ASCC3: variants seen among roughly 807,000 people sequenced by gnomAD.
ASCC3 encodes the protein activating signal cointegrator 1 complex subunit 3.
In ASCC3, 158 loss-of-function variants were observed where a neutral mutation model predicts 256.3. The ratio of observed to expected loss-of-function variants is 0.62; its 90% CI spans 0.54 to 0.70. ASCC3 has a LOEUF of 0.70. Ranked by LOEUF, ASCC3 falls within the 30% of genes least tolerant of loss-of-function variation. The probability of loss-of-function intolerance (pLI) is 0.00; values close to 1 mark genes in which losing one functional copy is unlikely to be tolerated. For synonymous variants in ASCC3, 948 were observed against 883.4 expected (o/e 1.07, Z -1.30); for missense variants, 2,259 against 2,626.0 (o/e 0.86, Z 3.05).
intron 13 of ASCC3, among the ~76,000 whole-genome samples, chr6:100,695,562 A>AG (rs1180653495): frequency 6.6e-6 from 1 of 152,146 alleles, no homozygotes; most frequent in Admixed American, 6.5e-5. Flanking sequence ...TCCAATTCAA[A>AG]GGGTAACAAA....
At chr6:100,818,046 T>C (rs930570202) in intron 4 of ASCC3, among the ~76,000 whole-genome samples, 10 of 152,136 alleles carry the variant, frequency 6.6e-5, no homozygotes, top group African/African-American at 2.4e-4. Context: ...AAACGAATTA[T>C]AAATCATGAT....
chr6:100,752,852 A>C (rs1394200682), intron 10 of ASCC3, among the ~76,000 whole-genome samples: 1 of 152,190 alleles, frequency 6.6e-6, no homozygotes, highest in Non-Finnish European at 1.5e-5. Context: ...ATGTCTCTCA[A>C]ATGTAGAAAA....
At chr6:100,549,578 C>CTA (rs1769186827) in intron 36 of ASCC3, among the ~76,000 whole-genome samples, 1 of 151,814 alleles carries the variant, frequency 6.6e-6, no homozygotes, top group Admixed American at 6.6e-5. Flanking sequence ...CAGGACTGAA[C>CTA]TACTGTTACC....
rs1323695669 is a variant in ASCC3, at chr6:100,638,699, C to T, written c.4024G>A (p.Asp1342Asn). ...GGTGCTCCAAGTAGGACATTACAAT[C>T]CGTGTGATACAATGTATGAAATATT... Reference protein sequence around the residue: ...TQIFHTLYHTDCNVLLGAPTG... With the variant: ...TQIFHTLYHTNCNVLLGAPTG... Residue 1342 changes from aspartate (D) to asparagine (N), a missense_variant, in exon 25 of 42, where the codon GAT (aspartate) becomes AAT (asparagine). Asp to Asn is a conservative substitution (Grantham distance 23). Coordinates refer to ENST00000369162, the MANE Select transcript of ASCC3 (RefSeq NM_006828.4). 6.2e-7 allele frequency: 1 copy of T among 1,613,898 alleles called. No individual in the cohort carries two copies. The highest frequency in any genetic ancestry group is 1.3e-5 in the African/African-American group (1 of 74,918).
rs1776568380 is a variant in ASCC3, at chr6:100,668,018, A to AG, written c.2287-5483dup. On this transcript the variant is annotated intron_variant, in intron 14 of 41. Coordinates refer to ENST00000369162, the MANE Select transcript of ASCC3 (RefSeq NM_006828.4). ...AAATAGACAGTGGCCATTACTGACT[A>AG]GAGAAGGAGCTGGCAAAATATGTGC... Among the ~76,000 whole-genome samples, 4 of 152,242 alleles carry AG rather than the reference A, an allele frequency of 2.6e-5. 1 individual carries two copies. The highest frequency in any genetic ancestry group is 9.6e-5 in the African/African-American group (4 of 41,584).
intron 36 of ASCC3, among the ~76,000 whole-genome samples, chr6:100,570,092 T>C (rs899392538): frequency 2.6e-5 from 4 of 152,218 alleles, no homozygotes; most frequent in African/African-American, 9.6e-5. Flanking sequence ...TGAACATTAT[T>C]GGTGTAGAGA....
In ASCC3 at chr6:100,590,404, C is replaced by T. The variant is rs560349392; in HGVS notation, c.5304-345G>A. ...TCCAAGCAAAAAGCCTAAAGACATA[C>T]ATTTCACCTGAATGTGCATCCCTGC... On this transcript the variant is annotated intron_variant, in intron 34 of 41. Transcript: ENST00000369162. Among the ~76,000 whole-genome samples, 9 of 152,210 alleles carry T rather than the reference C, an allele frequency of 5.9e-5. No homozygotes were observed. In the South Asian group the frequency reaches 1.9e-3, roughly 32 times the overall value.
At position 100,527,576 on chromosome 6, in the gene ASCC3, T is replaced by C. The variant is rs192670750; in HGVS notation, c.5776-9434A>G. ...ACCCACTGAGCCTGAGCTTAGTGCA[T>C]CTATACGTAAACACTCTGCTCCATG... On this transcript the variant is annotated intron_variant, in intron 37 of 41. Coordinates refer to ENST00000369162, the MANE Select transcript of ASCC3 (RefSeq NM_006828.4). 5.2e-4 allele frequency among the ~76,000 whole-genome samples: 79 copies of C among 152,262 alleles called. 1 individual carries two copies. The highest frequency in any genetic ancestry group is 9.3e-4 in the Non-Finnish European group (63 of 68,002).
At position 100,670,156 on chromosome 6, in the gene ASCC3, T is replaced by C. The variant is rs568477412; in HGVS notation, c.2287-7620A>G. On this transcript the variant is annotated intron_variant, in intron 14 of 41. Transcript: ENST00000369162. ...AAATACAAATAGCCAATGTAAAAAA[T>C]GCTCAGTTTCACTCATAATTAAAGA... Among the ~76,000 whole-genome samples the C allele has an allele frequency of 3.3e-5, 5 of 152,024 alleles. No individual in the cohort carries two copies. In the East Asian group the frequency reaches 7.7e-4, roughly 23 times the overall value.
chr6:100,659,872 C>T (rs532466805), intron 16 of ASCC3, among the ~76,000 whole-genome samples: 9 of 151,500 alleles, frequency 5.9e-5, no homozygotes, highest in African/African-American at 9.6e-5. Context: ...TTCAAAACTA[C>T]GTTAATCTTT....
At position 100,766,626 on chromosome 6, in the gene ASCC3, A is replaced by G. The variant is rs1286078558; in HGVS notation, c.1676T>C (p.Ile559Thr). The G allele has an allele frequency of 6.2e-7, 1 of 1,613,934 alleles. No homozygotes were observed. The highest frequency in any genetic ancestry group is 8.5e-7 in the Non-Finnish European group (1 of 1,179,960). The change falls in exon 10 of 42, where the codon ATC becomes ACC. Residue 559 changes from isoleucine (I) to threonine (T), a missense_variant. By Grantham distance (89) the Ile-to-Thr change is moderately conservative (BLOSUM62 -1). Around this residue, in one of 2 missense-constraint regions of ASCC3, gnomAD observed 1,839 missense variants for 2,206.7 expected, o/e 0.83. Coordinates refer to ENST00000369162, the MANE Select transcript of ASCC3 (RefSeq NM_006828.4). ...YFSRRLEPLG[I>T]IVKELTGDMQ... ...GTCACCAGTCAATTCTTTCACAATGATGCCTAGTGGCTCTAGACGTCTGCT... is the reference window on the plus strand; with the variant it reads ...GTCACCAGTCAATTCTTTCACAATGGTGCCTAGTGGCTCTAGACGTCTGCT...
At chr6:100,826,484 A>G (rs1483307777) in intron 4 of ASCC3, among the ~76,000 whole-genome samples, 1 of 152,172 alleles carries the variant, frequency 6.6e-6, no homozygotes, top group Non-Finnish European at 1.5e-5. Flanking sequence ...TATACAGTTC[A>G]CTTTTGTACT....
At chr6:100,792,575 G>A (rs1769404426) in intron 8 of ASCC3, among the ~76,000 whole-genome samples, 1 of 151,786 alleles carries the variant, frequency 6.6e-6, no homozygotes, top group Non-Finnish European at 1.5e-5. Flanking sequence ...TATTGCTAGT[G>A]CTATAAATTA....
chr6:100,641,019 TA>T (rs1246399854), intron 24 of ASCC3, among the ~76,000 whole-genome samples: 6 of 152,172 alleles, frequency 3.9e-5, no homozygotes, highest in Non-Finnish European at 8.8e-5. Flanking sequence ...TTCTATAAAT[TA>T]AGGCCCTCTT....
intron 36 of ASCC3, among the ~76,000 whole-genome samples, chr6:100,568,752 A>AATTATTATTATT (rs111974347): frequency 6.4e-4 from 89 of 139,626 alleles, no homozygotes; most frequent in African/African-American, 1.8e-3. Context: ...CTTAGTCATA[A>AATTATTATTATT]ATTATTATTA....
intron 13 of ASCC3, among the ~76,000 whole-genome samples, chr6:100,701,771 A>G (rs1778367019): frequency 6.6e-6 from 1 of 152,196 alleles, no homozygotes; most frequent in African/African-American, 2.4e-5. Flanking sequence ...GATGTTTAAA[A>G]AAAAGGGTTT....
At chr6:100,583,267 T>C (rs1320301269) in intron 36 of ASCC3, among the ~76,000 whole-genome samples, 1 of 152,226 alleles carries the variant, frequency 6.6e-6, no homozygotes, top group Non-Finnish European at 1.5e-5. Context: ...TTTCAAATCC[T>C]GTTATTGCTC....
chr6:100,595,614 A>G (rs978417859), intron 34 of ASCC3, among the ~76,000 whole-genome samples: 2 of 152,172 alleles, frequency 1.3e-5, no homozygotes, highest in Non-Finnish European at 2.9e-5. Flanking sequence ...TCAGCATAGC[A>G]CTGAAAAGAG....
intron 36 of ASCC3, among the ~76,000 whole-genome samples, chr6:100,568,160 G>A (rs1179503915): frequency 1.3e-5 from 2 of 151,948 alleles, no homozygotes; most frequent in African/African-American, 4.8e-5. Context: ...CTGAGGTAAG[G>A]AATTTGAGAT....
Sources: gnomAD v4.1 joint callset for allele counts (sites outside exome capture counted in the v4.1 genomes callset) on GRCh38, gnomAD v4.1.1 for gene constraint, gnomAD v4.1.1 regional missense constraint, MANE v1.5 for transcripts, NCBI Gene and HGNC (gene_info 2026-07-23, HGNC 2026-07-21) for gene names.